Variants in GLS2 observed in about 807,000 individuals in gnomAD.
GLS2 encodes glutaminase liver isoform, mitochondrial.
A neutral mutation model predicts 79.0 loss-of-function variants in GLS2; 52 were observed. That is an observed-to-expected ratio of 0.66 (90% CI 0.53 to 0.83). GLS2 has a LOEUF of 0.83. GLS2 is among the 40% of genes least tolerant of loss of function. The probability of loss-of-function intolerance (pLI) is 0.00; values close to 1 mark genes in which losing one functional copy is unlikely to be tolerated. For synonymous variants in GLS2, 238 were observed against 280.8 expected (o/e 0.85, Z 1.52); for missense variants, 561 against 764.8 (o/e 0.73, Z 3.14).
chr12:56,475,042 A>G lies in GLS2; in HGVS notation c.996+2T>C. On this transcript the variant is annotated splice_donor_variant, in intron 10 of 17. Transcript: ENST00000311966. LOFTEE classifies it high-confidence loss of function. Reference sequence around the variant, plus strand: ...CTTTCTCTTCCGGCCTCTTCTGGTTACCTTCTTTTCCTTGAGATAATAGCC... The same window carrying G: ...CTTTCTCTTCCGGCCTCTTCTGGTTGCCTTCTTTTCCTTGAGATAATAGCC... The G allele has an allele frequency of 6.2e-7, 1 of 1,614,050 alleles. No homozygotes were observed. Among genetic ancestry groups the G allele is most frequent in the Non-Finnish European group, 8.5e-7 (1 of 1,180,030 alleles).
intron 1 of GLS2, among the ~76,000 whole-genome samples, chr12:56,481,442 G>A (rs1870290893): frequency 6.7e-6 from 1 of 149,830 alleles, no homozygotes; most frequent in African/African-American, 2.4e-5. Flanking sequence ...GCCTTACCTC[G>A]TGATCCGCCT....
At chr12:56,474,979 C>A in intron 10 of GLS2, 65 bp downstream of exon 10, 1 of 1,613,780 alleles carries the variant, frequency 6.2e-7, no homozygotes, top group Non-Finnish European at 8.5e-7. Context: ...AGCCCCCAAC[C>A]CCTACTGCCC....
chr12:56,484,994 A>G lies in GLS2; in HGVS notation c.182+2943T>C, dbSNP rs1388676625. Among the ~76,000 whole-genome samples the G allele has an allele frequency of 3.9e-5, 6 of 152,320 alleles. No homozygotes were observed. In the South Asian group the frequency reaches 8.3e-4, roughly 21 times the overall value. Reference sequence around the variant, plus strand: ...TAATTGAACAAGTGTACAAGACTATATAGTAACCAAATTGAAGACTGGTTA... The same window carrying G: ...TAATTGAACAAGTGTACAAGACTATGTAGTAACCAAATTGAAGACTGGTTA... On this transcript the variant is annotated intron_variant, in intron 1 of 17. Transcript: ENST00000311966.
chr12:56,472,244 C>A, intron 15 of GLS2, 49 bp from the exon 16 acceptor site: 1 of 1,545,294 alleles, frequency 6.5e-7, no homozygotes, highest in South Asian at 1.1e-5. Context: ...AGACTGGAAT[C>A]ACAGGTGTTC....
At chr12:56,487,239 C>T (rs1397844949) in intron 1 of GLS2, among the ~76,000 whole-genome samples, 1 of 152,190 alleles carries the variant, frequency 6.6e-6, no homozygotes, top group Non-Finnish European at 1.5e-5. Flanking sequence ...GTTTGGCATC[C>T]TGGGTGGAAG....
chr12:56,479,698 T>G, intron 3 of GLS2, 82 bp downstream of exon 3: 5 of 1,458,620 alleles, frequency 3.4e-6, no homozygotes, highest in Non-Finnish European at 4.6e-6. Flanking sequence ...ACTATACAAT[T>G]CCCAAATTCC....
At chr12:56,475,746 G>C (rs1869749577) in intron 8 of GLS2, 64 bp from the exon 9 acceptor site, 2 of 1,555,250 alleles carry the variant, frequency 1.3e-6, no homozygotes, top group African/African-American at 2.7e-5. Context: ...TACCTCACAG[G>C]TTGACTAGCC....
chr12:56,484,207 T>C (rs1461174469), intron 1 of GLS2, among the ~76,000 whole-genome samples: 2 of 152,106 alleles, frequency 1.3e-5, no homozygotes, highest in South Asian at 2.1e-4. Flanking sequence ...GAGGCGGAGG[T>C]TGCAGTGAGC....
chr12:56,474,587 T>C lies in GLS2; in HGVS notation c.1181A>G (p.His394Arg). The change falls in exon 12 of 18, where the codon CAT becomes CGT. Residue 394 changes from histidine to arginine, a missense_variant. This residue lies in a region of GLS2 where 221 missense variants were observed against 275.6 expected (regional missense o/e 0.80). Transcript: ENST00000311966. ...AGAGAAGTCATACATGCCGCAGGAA[T>C]GCATGAGGCTGAGGGTGTTGCGCAC... ...EAVRNTLSLMHSCGMYDFSGQ... is the reference protein window; with the variant it reads ...EAVRNTLSLMRSCGMYDFSGQ... The C allele has an allele frequency of 6.2e-7, 1 of 1,614,198 alleles. No homozygotes were observed. The highest frequency in any genetic ancestry group is 8.5e-7 in the Non-Finnish European group (1 of 1,180,042).
In GLS2 at chr12:56,473,301, T is replaced by C. The variant is rs764014477; in HGVS notation, c.1376A>G (p.Asn459Ser). ...SFCQKLVSLF[N>S]FHNYDNLRHC... Reference sequence around the variant, plus strand: ...CCTCAGGTTGTCATAGTTGTGGAAATTGAAGAGAGACACCAACTTCTAGAA... The same window carrying C: ...CCTCAGGTTGTCATAGTTGTGGAAACTGAAGAGAGACACCAACTTCTAGAA... The change falls in exon 14 of 18, where the codon AAT becomes AGT. Residue 459 changes from asparagine (N) to serine (S), a missense_variant. Physicochemically the swap from Asn to Ser is conservative, Grantham distance 46. Coordinates refer to ENST00000311966, the MANE Select transcript of GLS2 (RefSeq NM_013267.4). 10 of 1,614,170 alleles carry C rather than the reference T, an allele frequency of 6.2e-6. No individual in the cohort carries two copies. Among genetic ancestry groups the C allele is most frequent in the Non-Finnish European group, 8.5e-6 (10 of 1,180,036 alleles).
intron 1 of GLS2, among the ~76,000 whole-genome samples, chr12:56,481,310 A>G (rs542457324): frequency 2.0e-5 from 3 of 147,268 alleles, no homozygotes; most frequent in East Asian, 4.1e-4. Context: ...GGTTCAAGCG[A>G]TTCTCCTGCC....
In GLS2 at chr12:56,472,766, A is replaced by G; in HGVS notation, c.1450-15T>C. 1 of 1,613,376 alleles carries G rather than the reference A, an allele frequency of 6.2e-7. No homozygotes were observed. Among genetic ancestry groups the G allele is most frequent in the African/African-American group, 1.3e-5 (1 of 74,996 alleles). ...ACAGTCTTGTTCTGGAACACAAATC[A>G]TACCCACATGACATTAATTGAACTC... On this transcript the variant is annotated splice_polypyrimidine_tract_variant and intron_variant, in intron 14 of 17. Coordinates refer to ENST00000311966, the MANE Select transcript of GLS2 (RefSeq NM_013267.4).
At position 56,476,016 on chromosome 12, in the gene GLS2, G is replaced by C. The variant is rs1157746047; in HGVS notation, c.838-39C>G. 6 of 1,602,516 alleles carry C rather than the reference G, an allele frequency of 3.7e-6. No individual in the cohort carries two copies. In the South Asian group the frequency reaches 5.5e-5, roughly 15 times the overall value. On this transcript the variant is annotated intron_variant, in intron 7 of 17. Transcript: ENST00000311966. ...GAGAGATGTCAGCATTCTAAGTGTA[G>C]GAGGATGACAGAGGGAAGGGTCAGA...
chr12:56,486,874 T>G lies in GLS2; in HGVS notation c.182+1063A>C, dbSNP rs534771263. On this transcript the variant is annotated intron_variant, in intron 1 of 17. Transcript: ENST00000311966. ...GACTCCGTCTCAAAAAAGAAAGAAA[T>G]AAAAGTACTGCATAATGTCATTAAT... Among the ~76,000 whole-genome samples the G allele has an allele frequency of 2.7e-4, 41 of 152,168 alleles. No individual in the cohort carries two copies. In the South Asian group the frequency reaches 3.7e-3, roughly 14 times the overall value.
At chr12:56,472,394 T>A in intron 15 of GLS2, 199 bp from the exon 16 acceptor site, 2 of 613,352 alleles carry the variant, frequency 3.3e-6, no homozygotes, top group South Asian at 2.0e-5. Flanking sequence ...AATGTGATCC[T>A]TCCAGAAATA....
intron 11 of GLS2, 38 bp downstream of exon 11, chr12:56,474,808 C>G (rs377211150): frequency 6.2e-6 from 10 of 1,613,404 alleles, no homozygotes; most frequent in Non-Finnish European, 8.5e-6. Context: ...CAAGGACAGT[C>G]TGTCCTGTTC....
chr12:56,479,825 T>G lies in GLS2; in HGVS notation c.359A>C (p.Gln120Pro). The G allele has an allele frequency of 1.2e-6, 2 of 1,612,126 alleles. No homozygotes were observed. The highest frequency in any genetic ancestry group is 1.7e-6 in the Non-Finnish European group (2 of 1,179,936). The change falls in exon 3 of 18, where the codon CAA becomes CCA. Residue 120 changes from glutamine (Q) to proline (P), a missense_variant. Gln to Pro is a moderately conservative substitution (Grantham distance 76). Transcript: ENST00000311966. ...CAAGAGGCCACCACTACTGGACTCT[T>G]GGACCACGCGGTGCATCTCGCTCAT... ...DCMSEMHRVV[Q>P]ESSSGGLLDR...
chr12:56,488,043 GGTGACCCCAGCCTCCTCGCCCGCA>G lies in GLS2; in HGVS notation c.52_75del (p.Cys18_His25del). The G allele has an allele frequency of 6.3e-7, 1 of 1,590,444 alleles. No homozygotes were observed. The highest frequency in any genetic ancestry group is 2.3e-5 in the East Asian group (1 of 44,416). On this transcript the variant is annotated inframe_deletion, in exon 1 of 18. Coordinates refer to ENST00000311966, the MANE Select transcript of GLS2 (RefSeq NM_013267.4). ...CCGCCAAGGAGGGGGCTCCGGCTCG[GGTGACCCCAGCCTCCTCGCCCGCA>G]GTGACTGCCAGCCCGGCTCAGGGCC...
chr12:56,487,727 C>A (rs1212683556), intron 1 of GLS2: 3 of 601,990 alleles, frequency 5.0e-6, no homozygotes, highest in African/African-American at 3.9e-5. Flanking sequence ...CCAGGACCCG[C>A]TTGCCCGAAC....
Sources: allele counts gnomAD v4.1 joint callset (sites outside exome capture counted in the v4.1 genomes callset), GRCh38; gene constraint gnomAD v4.1.1; regional missense constraint gnomAD v4.1.1; transcripts MANE v1.5; gene names NCBI Gene and HGNC (gene_info 2026-07-23, HGNC 2026-07-21).